Variants in PPP1R12A observed in about 807,000 individuals in gnomAD.
PPP1R12A encodes myosin binding subunit.
A neutral mutation model predicts 139.6 loss-of-function variants in PPP1R12A; 19 were observed. The ratio of observed to expected loss-of-function variants is 0.14; its 90% CI spans 0.09 to 0.20. The LOEUF (loss-of-function observed/expected upper bound fraction) is 0.20, where lower values mean the gene tolerates loss of function less well. PPP1R12A is among the 10% of genes least tolerant of loss of function. The pLI, the probability that PPP1R12A is intolerant of heterozygous loss-of-function variation, is 1.00. For synonymous variants in PPP1R12A, 427 were observed against 420.6 expected, an observed-to-expected ratio of 1.02 and a Z score of -0.19; for missense variants, 925 against 1,211.5, an observed-to-expected ratio of 0.76 and a Z score of 3.51.
At chr12:79,776,497 T>TA (rs1336411304) in intron 24 of PPP1R12A, among the ~76,000 whole-genome samples, 2 of 152,098 alleles carry the variant, frequency 1.3e-5, no homozygotes, top group Non-Finnish European at 2.9e-5. Context: ...TAAAATTCCT[T>TA]AAACGATTCA....
At chr12:79,815,144 T>C (rs17005986) in intron 9 of PPP1R12A, among the ~76,000 whole-genome samples, 15,746 of 152,166 alleles carry the variant, frequency 0.1, 2,154 homozygotes, top group African/African-American at 0.32. Flanking sequence ...CCATAAATGT[T>C]GGCTATATGT....
At position 79,821,633 on chromosome 12, in the gene PPP1R12A, G is replaced by A. The variant is rs554050169; in HGVS notation, c.868-467C>T. ...CCAGGCATGGTGGCGTGTACCTGTA[G>A]TCCGAGCTACTCAGGAGGCTGAGGC... On this transcript the variant is annotated intron_variant, in intron 6 of 24. Coordinates refer to ENST00000450142, the MANE Select transcript of PPP1R12A (RefSeq NM_002480.3). Among the ~76,000 whole-genome samples the A allele has an allele frequency of 1.3e-5, 2 of 151,962 alleles. 1 individual carries two copies. Among genetic ancestry groups the A allele is most frequent in the African/African-American group, 4.8e-5 (2 of 41,424 alleles).
chr12:79,808,290 G>A (rs1401584834), intron 11 of PPP1R12A, among the ~76,000 whole-genome samples, 193 bp downstream of exon 11: 1 of 151,726 alleles, frequency 6.6e-6, no homozygotes, highest in Admixed American at 6.6e-5. Context: ...CATCTTCTTT[G>A]CTATTATTTC....
intron 24 of PPP1R12A, chr12:79,777,714 T>C (rs752091845): frequency 3.4e-6 from 3 of 880,530 alleles, no homozygotes; most frequent in Non-Finnish European, 4.1e-6. Context: ...AAGAGTATAA[T>C]AAGAATGTAA....
chr12:79,927,728 G>GA (rs1887951925), intron 1 of PPP1R12A, among the ~76,000 whole-genome samples: 1 of 152,318 alleles, frequency 6.6e-6, no homozygotes, highest in African/African-American at 2.4e-5. Context: ...AGCATGTTGT[G>GA]AAAATTAAAC....
intron 2 of PPP1R12A, among the ~76,000 whole-genome samples, chr12:79,847,936 A>G (rs1213362198): frequency 2.6e-5 from 4 of 152,068 alleles, no homozygotes; most frequent in Non-Finnish European, 4.4e-5. Context: ...ATCAATCTCT[A>G]TATCTTTTAC....
intron 23 of PPP1R12A, chr12:79,779,264 G>A (rs1187807604): frequency 1.6e-6 from 2 of 1,229,898 alleles, no homozygotes; most frequent in Non-Finnish European, 2.1e-6. Context: ...ATTCTGGGGT[G>A]TTATGCAAAA....
chr12:79,804,162 T>C (rs1873538544), intron 14 of PPP1R12A, among the ~76,000 whole-genome samples: 1 of 152,042 alleles, frequency 6.6e-6, no homozygotes, highest in Non-Finnish European at 1.5e-5. Context: ...TGATCCTTCT[T>C]CCTTTCAATA....
At position 79,775,875 on chromosome 12, in the gene PPP1R12A, G is replaced by A; in HGVS notation, c.*54C>T. The stretch of plus-strand genomic sequence containing the variant: ...CAGACTTCCAGTGACTGCCAATTAT[G>A]GTCCACTGGGTTACTAATATGTGCA... On this transcript the variant is annotated 3_prime_UTR_variant, in exon 25 of 25. Transcript: ENST00000450142. The A allele has an allele frequency of 1.6e-6, 2 of 1,253,802 alleles. No individual in the cohort carries two copies. Among genetic ancestry groups the A allele is most frequent in the Non-Finnish European group, 2.2e-6 (2 of 911,360 alleles). The allele number at this position is 1,253,802 out of a possible 1,614,324, so 77.7% of individuals were successfully genotyped here.
intron 3 of PPP1R12A, among the ~76,000 whole-genome samples, chr12:79,837,158 T>C (rs1015820053): frequency 3.9e-5 from 6 of 152,106 alleles, no homozygotes; most frequent in Non-Finnish European, 7.4e-5. Flanking sequence ...CCTACTATAA[T>C]TGCAAGGTTT....
chr12:79,823,418 C>T (rs923239738), intron 5 of PPP1R12A, among the ~76,000 whole-genome samples: 2 of 152,036 alleles, frequency 1.3e-5, no homozygotes, highest in African/African-American at 2.4e-5. Context: ...TTAATTTTTC[C>T]GTTTAGAAAC....
chr12:79,828,666 T>C (rs1877071352), intron 4 of PPP1R12A, among the ~76,000 whole-genome samples: 1 of 152,142 alleles, frequency 6.6e-6, no homozygotes, highest in African/African-American at 2.4e-5. Flanking sequence ...CTTGAGTCAT[T>C]GCCATAATAA....
intron 1 of PPP1R12A, among the ~76,000 whole-genome samples, chr12:79,896,436 T>A (rs1592788395): frequency 6.6e-6 from 1 of 151,956 alleles, no homozygotes; most frequent in African/African-American, 2.4e-5. Flanking sequence ...CAGGCTCAGG[T>A]GATTCTTCCA....
At chr12:79,842,218 G>A (rs1193580682) in intron 3 of PPP1R12A, among the ~76,000 whole-genome samples, 1 of 152,098 alleles carries the variant, frequency 6.6e-6, no homozygotes, top group Non-Finnish European at 1.5e-5. Flanking sequence ...TCCTCAAGAG[G>A]CTAAGGTGGG....
chr12:79,872,650 T>A (rs1882696508), intron 2 of PPP1R12A, among the ~76,000 whole-genome samples, 158 bp downstream of exon 2: 1 of 152,160 alleles, frequency 6.6e-6, no homozygotes, highest in African/African-American at 2.4e-5. Flanking sequence ...TCTGAGAATA[T>A]ATGGATTCCC....
intron 14 of PPP1R12A, among the ~76,000 whole-genome samples, chr12:79,800,927 G>T (rs1174828915): frequency 1.3e-4 from 19 of 151,602 alleles, no homozygotes; most frequent in Non-Finnish European, 2.5e-4. Flanking sequence ...TAGAGACGGG[G>T]TTTCACCCTG....
chr12:79,801,695 A>G (rs1187243696), intron 14 of PPP1R12A, among the ~76,000 whole-genome samples: 1 of 152,176 alleles, frequency 6.6e-6, no homozygotes, highest in Non-Finnish European at 1.5e-5. Context: ...ATATGACACT[A>G]TTCTTAGCAT....
At chr12:79,881,596 G>A (rs919372204) in intron 1 of PPP1R12A, among the ~76,000 whole-genome samples, 4 of 152,210 alleles carry the variant, frequency 2.6e-5, no homozygotes, top group Non-Finnish European at 5.9e-5. Flanking sequence ...TCATACAAGT[G>A]CAAGGTGAAG....
At chr12:79,909,499 G>A (rs191838533) in intron 1 of PPP1R12A, among the ~76,000 whole-genome samples, 39 of 152,136 alleles carry the variant, frequency 2.6e-4, no homozygotes, top group Non-Finnish European at 5.3e-4. Flanking sequence ...CACTTTGGGA[G>A]GCCAAGGTGA....
Sources: gnomAD v4.1 joint callset for allele counts (sites outside exome capture counted in the v4.1 genomes callset) on GRCh38, gnomAD v4.1.1 for gene constraint, MANE v1.5 for transcripts, NCBI Gene and HGNC (gene_info 2026-07-23, HGNC 2026-07-21) for gene names.